The following LIN7A variants were observed in gnomAD, a reference collection of about 807,000 sequenced individuals.
LIN7A encodes lin-7 cell polarity scaffold A, also known as protein lin-7 homolog A.
Under a neutral mutation model 29.8 loss-of-function variants are expected in LIN7A, and 25 were observed. The ratio of observed to expected loss-of-function variants is 0.84; its 90% CI spans 0.61 to 1.17. The LOEUF (loss-of-function observed/expected upper bound fraction) is 1.17, where lower values mean the gene tolerates loss of function less well. Among genes scored for constraint, LIN7A ranks in the 50% most tolerant of loss-of-function variants. The pLI is 0.00. For missense variants in LIN7A, 239 were observed against 287.0 expected (o/e 0.83, Z 1.21); for synonymous variants, 118 against 107.5 (o/e 1.10, Z -0.60).
At chr12:80,877,402 TAGTAAGTGAAAGAGA>T (rs768988780) in intron 2 of LIN7A, among the ~76,000 whole-genome samples, 1 of 152,184 alleles carries the variant, frequency 6.6e-6, no homozygotes, top group Non-Finnish European at 1.5e-5. Context: ...AGCAGCATTA[TAGTAAGTGAAAGAGA>T]ACATTCCCCA....
chr12:80,807,775 T>C (rs1042960455), intron 5 of LIN7A, among the ~76,000 whole-genome samples: 2 of 152,204 alleles, frequency 1.3e-5, no homozygotes, highest in South Asian at 2.1e-4. Flanking sequence ...GTGGACAAAA[T>C]GACTCGTCCT....
chr12:80,877,928 C>A (rs1397268572), intron 2 of LIN7A, among the ~76,000 whole-genome samples: 2 of 151,432 alleles, frequency 1.3e-5, no homozygotes, highest in Non-Finnish European at 2.9e-5. Flanking sequence ...GATTTCCAGT[C>A]CTGTGATCTC....
At chr12:80,936,483 T>G (rs566266617) in intron 1 of LIN7A, 1 of 152,140 alleles carries the variant, frequency 6.6e-6, no homozygotes, top group Non-Finnish European at 1.5e-5. Flanking sequence ...AGAAAGAAAA[T>G]TTTTAGAGGT....
intron 1 of LIN7A, among the ~76,000 whole-genome samples, chr12:80,917,103 A>T (rs899205947): frequency 1.3e-5 from 2 of 152,220 alleles, no homozygotes; most frequent in Admixed American, 6.5e-5. Flanking sequence ...TAGGGAGGTG[A>T]CATTTGGGTA....
chr12:80,831,305 C>A (rs1792143914), intron 4 of LIN7A, among the ~76,000 whole-genome samples: 2 of 152,142 alleles, frequency 1.3e-5, no homozygotes, highest in Admixed American at 1.3e-4. Flanking sequence ...GGTGGAGTCA[C>A]TGAGCAGTTA....
intron 3 of LIN7A, 80 bp from the exon 4 acceptor site, chr12:80,846,019 G>A (rs369054902): frequency 1.6e-6 from 2 of 1,227,980 alleles, no homozygotes; most frequent in African/African-American, 3.1e-5. Flanking sequence ...GCAGTGGGTA[G>A]CTCAGGCAAC....
At chr12:80,933,187 TATG>T (rs1267389008) in intron 1 of LIN7A, among the ~76,000 whole-genome samples, 1 of 152,216 alleles carries the variant, frequency 6.6e-6, no homozygotes, top group East Asian at 1.9e-4. Flanking sequence ...AATTATAATA[TATG>T]ATGTTTTAGC....
intron 1 of LIN7A, among the ~76,000 whole-genome samples, chr12:80,912,767 T>C (rs1876829388): frequency 6.7e-6 from 1 of 149,542 alleles, no homozygotes. Context: ...ATAGAAAATA[T>C]ATGTTATACG....
intron 2 of LIN7A, among the ~76,000 whole-genome samples, chr12:80,863,429 G>C (rs1368010430): frequency 6.6e-6 from 1 of 152,220 alleles, no homozygotes; most frequent in Non-Finnish European, 1.5e-5. Context: ...AAGGGAGAAA[G>C]AGAGCACATA....
intron 1 of LIN7A, among the ~76,000 whole-genome samples, chr12:80,896,304 C>T (rs191159229): frequency 1.3e-5 from 2 of 152,100 alleles, no homozygotes; most frequent in Non-Finnish European, 2.9e-5. Flanking sequence ...AGGCGACAAG[C>T]GATAGTAACA....
In LIN7A at chr12:80,798,244, G is replaced by A. The variant is rs371850862; in HGVS notation, c.*1-518C>T. Among the ~76,000 whole-genome samples, 30 of 152,174 alleles carry A rather than the reference G, an allele frequency of 2.0e-4. No homozygotes were observed. In the South Asian group the frequency reaches 2.7e-3, roughly 14 times the overall value. On this transcript the variant is annotated intron_variant, in intron 5 of 5. Coordinates refer to ENST00000552864, the MANE Select transcript of LIN7A (RefSeq NM_004664.4). Reference sequence around the variant, plus strand: ...AATTACCTCTATGGTCAGAGTTTGGGGAGCAGTCTTGCCAGATACTACCCC... The same window carrying A: ...AATTACCTCTATGGTCAGAGTTTGGAGAGCAGTCTTGCCAGATACTACCCC...
At chr12:80,883,772 T>C (rs1875188578) in intron 2 of LIN7A, among the ~76,000 whole-genome samples, 1 of 152,204 alleles carries the variant, frequency 6.6e-6, no homozygotes, top group Non-Finnish European at 1.5e-5. Flanking sequence ...GAAAAATAGG[T>C]AGCCAAGTTG....
intron 2 of LIN7A, 24 bp downstream of exon 2, chr12:80,889,227 G>T (rs374126923): frequency 1.6e-6 from 2 of 1,225,898 alleles, no homozygotes; most frequent in South Asian, 1.2e-5. Context: ...GCTGAATTTA[G>T]TTATTAAAAT....
chr12:80,832,889 G>A (rs1872435749), intron 4 of LIN7A, among the ~76,000 whole-genome samples: 1 of 152,024 alleles, frequency 6.6e-6, no homozygotes, highest in South Asian at 2.1e-4. Flanking sequence ...CAGTTCAAAA[G>A]GTCTGGGGAC....
intron 2 of LIN7A, among the ~76,000 whole-genome samples, chr12:80,852,381 G>A (rs547383536): frequency 6.6e-6 from 1 of 152,226 alleles, no homozygotes; most frequent in African/African-American, 2.4e-5. Flanking sequence ...CTAGGTAAGG[G>A]ATGACAAGCC....
chr12:80,912,543 C>A (rs1417216096), intron 1 of LIN7A, among the ~76,000 whole-genome samples: 1 of 151,528 alleles, frequency 6.6e-6, no homozygotes, highest in Non-Finnish European at 1.5e-5. Context: ...GGTGAAACCT[C>A]GTCTCTACAA....
chr12:80,807,070 T>TTTTG (rs1555221344), intron 5 of LIN7A, among the ~76,000 whole-genome samples: 5 of 111,096 alleles, frequency 4.5e-5, no homozygotes, highest in African/African-American at 1.7e-4. Context: ...GGAGTTTTTT[T>TTTTG]TTTTTTTTTT....
chr12:80,874,217 A>T (rs762221762), intron 2 of LIN7A, among the ~76,000 whole-genome samples: 7 of 152,190 alleles, frequency 4.6e-5, no homozygotes, highest in Non-Finnish European at 1.0e-4. Flanking sequence ...TATTTAAGAA[A>T]ATAGGCTTTC....
At chr12:80,919,129 T>C (rs1246873563) in intron 1 of LIN7A, among the ~76,000 whole-genome samples, 2 of 152,162 alleles carry the variant, frequency 1.3e-5, no homozygotes, top group Admixed American at 6.5e-5. Context: ...TTTCCATCGT[T>C]AAGGAATGCA....
Sources: allele counts gnomAD v4.1 joint callset (sites outside exome capture counted in the v4.1 genomes callset), GRCh38; gene constraint gnomAD v4.1.1; transcripts MANE v1.5; gene names NCBI Gene and HGNC (gene_info 2026-07-23, HGNC 2026-07-21).